The following PTPRN2 variants were observed in gnomAD, a reference collection of about 807,000 sequenced individuals.
The protein encoded by PTPRN2 is receptor-type tyrosine-protein phosphatase N2.
Under a neutral mutation model 118.8 loss-of-function variants are expected in PTPRN2, and 74 were observed. The ratio of observed to expected loss-of-function variants is 0.62; its 90% CI spans 0.52 to 0.76. The LOEUF is 0.76. Among genes scored for constraint, PTPRN2 ranks in the 30% least tolerant of loss-of-function variants. PTPRN2 has a pLI of 0.00. For missense variants in PTPRN2, 1,481 were observed against 1,394.4 expected, an observed-to-expected ratio of 1.06 and a Z score of -0.99; for synonymous variants, 641 against 608.0, an observed-to-expected ratio of 1.05 and a Z score of -0.80.
intron 10 of PTPRN2, among the ~76,000 whole-genome samples, chr7:158,092,452 GA>G (rs1814273222): frequency 6.6e-6 from 1 of 151,796 alleles, no homozygotes; most frequent in South Asian, 2.1e-4. Context: ...ATGGATGGAT[GA>G]AAAATTGATA....
intron 12 of PTPRN2, among the ~76,000 whole-genome samples, chr7:157,685,930 C>T (rs538497685): frequency 2.0e-5 from 3 of 152,232 alleles, no homozygotes; most frequent in Middle Eastern, 3.4e-3. Context: ...GGGAGCCGCC[C>T]CAGGCCCACC....
chr7:158,345,375 C>T (rs1249412781), intron 2 of PTPRN2, among the ~76,000 whole-genome samples: 3 of 152,130 alleles, frequency 2.0e-5, no homozygotes, highest in East Asian at 1.9e-4. Context: ...CTGGAGACAG[C>T]GTGTTCTTAT....
chr7:157,559,847 T>G (rs1485413472), intron 21 of PTPRN2, among the ~76,000 whole-genome samples: 2 of 151,982 alleles, frequency 1.3e-5, no homozygotes, highest in Non-Finnish European at 2.9e-5. Flanking sequence ...CCCGTCTCTC[T>G]CCTGTGTTCT....
rs568566129 is a variant in PTPRN2 at position 158,526,317 on chromosome 7, C to T, written c.113-36532G>A. ...TGACACCACTCCTTCCCGGTGAGCTCGGCAGGGCTGCATCTCTCCCGTGGG... is the reference window on the plus strand; with the variant it reads ...TGACACCACTCCTTCCCGGTGAGCTTGGCAGGGCTGCATCTCTCCCGTGGG... On this transcript the variant is annotated intron_variant, in intron 1 of 22. Transcript: ENST00000389418. The surrounding 1 kb of genome is among the most constrained non-coding windows in gnomAD (Gnocchi z 5.2). 4.6e-5 allele frequency among the ~76,000 whole-genome samples: 7 copies of T among 152,158 alleles called. No homozygotes were observed. Among genetic ancestry groups the T allele is most frequent in the Admixed American group, 1.3e-4 (2 of 15,266 alleles).
At chr7:157,817,717 G>C (rs1237640063) in intron 12 of PTPRN2, among the ~76,000 whole-genome samples, 3 of 152,248 alleles carry the variant, frequency 2.0e-5, no homozygotes, top group Non-Finnish European at 4.4e-5. Flanking sequence ...CCTGCAGAGG[G>C]TGTGTCCGTG....
At chr7:158,249,089 CAT>C (rs989008848) in intron 3 of PTPRN2, among the ~76,000 whole-genome samples, 5 of 151,586 alleles carry the variant, frequency 3.3e-5, no homozygotes, top group African/African-American at 7.3e-5. Context: ...ACACACCACA[CAT>C]ATGCACACAT....
intron 11 of PTPRN2, chr7:158,030,236 A>G (rs1430176223): frequency 6.6e-6 from 1 of 152,116 alleles, no homozygotes; most frequent in Non-Finnish European, 1.5e-5. Context: ...AAGGTAGAAG[A>G]CTGCAGAAAA....
At chr7:157,830,465 C>T (rs1002413447) in intron 12 of PTPRN2, among the ~76,000 whole-genome samples, 5 of 152,154 alleles carry the variant, frequency 3.3e-5, no homozygotes, top group Non-Finnish European at 1.5e-5. Context: ...AGGGGCTGGC[C>T]GTGCACCCGC....
intron 3 of PTPRN2, among the ~76,000 whole-genome samples, chr7:158,244,680 CTGTG>C (rs1194716131): frequency 6.6e-6 from 1 of 151,388 alleles, no homozygotes; most frequent in East Asian, 1.9e-4. Context: ...GTTCTGTAAG[CTGTG>C]TAAGTTGTGA....
At position 157,874,178 on chromosome 7, in the gene PTPRN2, C is replaced by T. The variant is rs1210050042; in HGVS notation, c.1788+24495G>A. Among the ~76,000 whole-genome samples the T allele has an allele frequency of 6.6e-6, 1 of 152,172 alleles. No homozygotes were observed. Among genetic ancestry groups the T allele is most frequent in the African/African-American group, 2.4e-5 (1 of 41,432 alleles). ...GTCCTGCGGAAGGTGCTGAAGCGGC[C>T]CTCAGTCTGCCTCTGGCCTCCCTCT... On this transcript the variant is annotated intron_variant, in intron 12 of 22. Transcript: ENST00000389418. This position sits in a 1 kb window ranked among gnomAD's most constrained non-coding sequence, Gnocchi z 5.8.
chr7:158,110,771 C>G (rs1221925163), intron 10 of PTPRN2, 58 bp downstream of exon 10: 3 of 1,461,662 alleles, frequency 2.1e-6, no homozygotes, highest in East Asian at 4.9e-5. Flanking sequence ...TCCCTCCCAC[C>G]CAGTCTCTGC....
intron 12 of PTPRN2, among the ~76,000 whole-genome samples, chr7:157,867,959 G>A (rs946921831): frequency 2.6e-5 from 4 of 152,188 alleles, no homozygotes; most frequent in Non-Finnish European, 5.9e-5. Flanking sequence ...CACCGTGCCT[G>A]CGCCAGCCCA....
At chr7:157,872,120 C>G (rs558980287) in intron 12 of PTPRN2, among the ~76,000 whole-genome samples, 1 of 138,114 alleles carries the variant, frequency 7.2e-6, no homozygotes, top group Non-Finnish European at 1.5e-5. Flanking sequence ...CGCCTCCCCA[C>G]ACACACCCAG....
chr7:157,974,602 A>C lies in PTPRN2; in HGVS notation c.1724-75865T>G, dbSNP rs540797177. 6.7e-6 allele frequency among the ~76,000 whole-genome samples: 1 copy of C among 149,056 alleles called. No individual in the cohort carries two copies. The highest frequency in any genetic ancestry group is 2.2e-4 in the South Asian group (1 of 4,612). On this transcript the variant is annotated intron_variant, in intron 11 of 22. Coordinates refer to ENST00000389418, the MANE Select transcript of PTPRN2 (RefSeq NM_002847.5). The surrounding 1 kb of genome is among the most constrained non-coding windows in gnomAD (Gnocchi z 4.0). ...AGCCGGCAGGGGTGGGTGGGACCTC[A>C]GACCTCAGCGGGTGATGGCAGTGGG...
chr7:158,390,819 G>A (rs903346390), intron 2 of PTPRN2, among the ~76,000 whole-genome samples: 2 of 152,278 alleles, frequency 1.3e-5, no homozygotes, highest in African/African-American at 4.8e-5. Flanking sequence ...CTCAAAATGC[G>A]AAGCTCAAGG....
At chr7:158,556,518 A>C (rs997543017) in intron 1 of PTPRN2, among the ~76,000 whole-genome samples, 1 of 151,556 alleles carries the variant, frequency 6.6e-6, no homozygotes, top group Non-Finnish European at 1.5e-5. Flanking sequence ...ACACCACTGC[A>C]CTCCAGCCTG....
intron 12 of PTPRN2, among the ~76,000 whole-genome samples, chr7:157,748,144 C>A (rs1288654311): frequency 2.2e-5 from 2 of 89,318 alleles, no homozygotes; most frequent in Non-Finnish European, 4.5e-5. Flanking sequence ...GTGATTCTGA[C>A]CCCTGCGTCT....
chr7:158,211,858 C>T (rs73518440), intron 3 of PTPRN2, among the ~76,000 whole-genome samples: 5,646 of 152,216 alleles, frequency 0.037, 118 homozygotes, highest in Middle Eastern at 0.078. Flanking sequence ...CCAGCAATCC[C>T]ACTGCTAGGT....
At chr7:157,960,914 G>A (rs941339651) in intron 11 of PTPRN2, among the ~76,000 whole-genome samples, 2 of 152,232 alleles carry the variant, frequency 1.3e-5, no homozygotes, top group Admixed American at 1.3e-4. Context: ...GGCTGAGGCA[G>A]GAGAATCACT....
Sources: gnomAD v4.1 joint callset for allele counts (sites outside exome capture counted in the v4.1 genomes callset) on GRCh38, gnomAD v4.1.1 for gene constraint, Gnocchi (gnomAD v3.1) non-coding constraint, MANE v1.5 for transcripts, NCBI Gene and HGNC (gene_info 2026-07-23, HGNC 2026-07-21) for gene names.